The following ATP4A variants were observed in gnomAD, a reference collection of about 807,000 sequenced individuals.
The protein encoded by ATP4A is ATPase H+/K+ transporting subunit alpha, also known as potassium-transporting ATPase alpha chain 1.
A neutral mutation model predicts 112.1 loss-of-function variants in ATP4A; 73 were observed. The observed-to-expected ratio is 0.65, with a 90% CI of 0.54 to 0.79. The LOEUF is 0.79. ATP4A is among the 30% of genes least tolerant of loss of function. ATP4A has a pLI of 0.00. For missense variants in ATP4A, 1,081 were observed against 1,425.9 expected (o/e 0.76, Z 3.90); for synonymous variants, 588 against 588.9 (o/e 1.00, Z 0.02).
chr19:35,557,134 T>G lies in ATP4A; in HGVS notation c.1694-46A>C. ...CAGGGAAGAGCCCTGGGCACACCCT[T>G]TCTTAGCAGGGCCAGGAAATGGGTA... On this transcript the variant is annotated intron_variant, in intron 11 of 21. Transcript: ENST00000262623. This position sits in a 1 kb window ranked among gnomAD's most constrained non-coding sequence, Gnocchi z 4.4. The G allele has an allele frequency of 6.2e-7, 1 of 1,603,644 alleles. No homozygotes were observed. Among genetic ancestry groups the G allele is most frequent in the South Asian group, 1.1e-5 (1 of 90,504 alleles).
Position 35,550,673 on chromosome 19 carries a change from G to C in ATP4A, c.3080-30C>G. The C allele has an allele frequency of 1.9e-6, 3 of 1,613,800 alleles. No homozygotes were observed. The highest frequency in any genetic ancestry group is 2.5e-6 in the Non-Finnish European group (3 of 1,179,792). On this transcript the variant is annotated intron_variant, in intron 21 of 21. Transcript: ENST00000262623. The surrounding 1 kb of genome is among the most constrained non-coding windows in gnomAD (Gnocchi z 4.1). ...GAGAGAGAGGGAGAAAGGAGACTCA[G>C]TGCTGGGGGTGCCACTTAGGCAGGG... is the stretch of plus-strand genomic sequence containing the variant.
At chr19:35,553,377 C>T (rs2071612659) in intron 17 of ATP4A, among the ~76,000 whole-genome samples, 195 bp from the exon 18 acceptor site, 1 of 151,868 alleles carries the variant, frequency 6.6e-6, no homozygotes, top group African/African-American at 2.4e-5. Flanking sequence ...GAAACAGTGA[C>T]AGAGACACAG....
rs766886010 is a variant in ATP4A, at chr19:35,562,587, C to T, written c.268G>A (p.Ala90Thr). ...GGGGTGCCCCGTGGTGGCCGCAGTG[C>T]GTTGGGCCCATCCCGCAGCAGCAGC... ...AELLLRDGPN[A>T]LRPPRGTPEY... The change falls in exon 4 of 22, where the codon GCA (alanine) becomes ACA (threonine). Residue 90 changes from alanine (A) to threonine (T), a missense_variant. Around this residue, in one of 3 missense-constraint regions of ATP4A, gnomAD observed 850 missense variants for 1,068.2 expected, o/e 0.80. Coordinates refer to ENST00000262623, the MANE Select transcript of ATP4A (RefSeq NM_000704.3). The T allele has an allele frequency of 9.9e-6, 16 of 1,611,068 alleles. No individual in the cohort carries two copies. Among genetic ancestry groups the T allele is most frequent in the East Asian group, 2.2e-5 (1 of 44,784 alleles).
In ATP4A at chr19:35,557,092, A is replaced by G. The variant is rs1182629792; in HGVS notation, c.1694-4T>C. The G allele has an allele frequency of 6.2e-7, 1 of 1,614,030 alleles. No homozygotes were observed. Among genetic ancestry groups the G allele is most frequent in the Non-Finnish European group, 8.5e-7 (1 of 1,179,992 alleles). On this transcript the variant is annotated splice_polypyrimidine_tract_variant and splice_region_variant and intron_variant, in intron 11 of 21. Coordinates refer to ENST00000262623, the MANE Select transcript of ATP4A (RefSeq NM_000704.3). This position sits in a 1 kb window ranked among gnomAD's most constrained non-coding sequence, Gnocchi z 4.4. ...TTCAGGTAGAGCTGGCAGAAGCCTG[A>G]CCGGAAACGGGGAAGTCAGGGAAGA... is the stretch of plus-strand genomic sequence containing the variant.
intron 18 of ATP4A, among the ~76,000 whole-genome samples, chr19:35,552,666 A>C (rs2071608016): frequency 6.6e-6 from 1 of 152,196 alleles, no homozygotes; most frequent in Non-Finnish European, 1.5e-5. Flanking sequence ...AGGTGAACTA[A>C]ACACATCTGC....
chr19:35,550,537 TGG>T lies in ATP4A; in HGVS notation c.*76_*77del. ...ACTCTTGGTTGCTCAGATATCTTGG[TGG>T]CTGTCCAGAGGGTCCCACGAGCCCT... On this transcript the variant is annotated 3_prime_UTR_variant, in exon 22 of 22. Transcript: ENST00000262623. This position sits in a 1 kb window ranked among gnomAD's most constrained non-coding sequence, Gnocchi z 4.1. 1 of 1,570,194 alleles carries T rather than the reference TGG, an allele frequency of 6.4e-7. No individual in the cohort carries two copies. Among genetic ancestry groups the T allele is most frequent in the South Asian group, 1.1e-5 (1 of 89,602 alleles).
chr19:35,560,069 G>A lies in ATP4A; in HGVS notation c.792C>T (p.Thr264=), dbSNP rs138829362. 9.4e-4 allele frequency: 1,518 copies of A among 1,613,714 alleles called. 2 individuals are homozygous for A. The highest frequency in any genetic ancestry group is 1.7e-3 in the Middle Eastern group (10 of 6,060). The change falls in exon 7 of 22, where the codon ACC becomes ACT. Residue 264 remains threonine (T), a synonymous_variant. Transcript: ENST00000262623. This position sits in a 1 kb window ranked among gnomAD's most constrained non-coding sequence, Gnocchi z 5.1. ...AFFSTMCLEG[T]VQGLVVNTGD... is the part of the protein sequence containing the mutation. The stretch of plus-strand genomic sequence containing the variant: ...CCGTGTTCACCACCAGGCCCTGCAC[G>A]GTGCCTGCAGGGGGGCCAAGGCGCG...
At chr19:35,562,101 C>G (rs1599575608) in intron 4 of ATP4A, among the ~76,000 whole-genome samples, 1 of 152,012 alleles carries the variant, frequency 6.6e-6, no homozygotes, top group East Asian at 1.9e-4. Flanking sequence ...GGTGATCTGC[C>G]CGCCTCGGCC....
Position 35,558,479 on chromosome 19 carries a change from G to A in ATP4A, c.1383C>T (p.Asp461=). Reference sequence around the variant, plus strand: ...ACTTGAGCAGCGCCGTCTCCGATGCGTCTCCAATCACGATGCGCTGGGAGC... The same window carrying A: ...ACTTGAGCAGCGCCGTCTCCGATGCATCTCCAATCACGATGCGCTGGGAGC... ...VPVPKRIVIG[D]ASETALLKFS... is the part of the protein sequence containing the mutation. Residue 461 remains aspartate (D), a synonymous_variant, in exon 10 of 22, where the codon GAC becomes GAT. Coordinates refer to ENST00000262623, the MANE Select transcript of ATP4A (RefSeq NM_000704.3). This position sits in a 1 kb window ranked among gnomAD's most constrained non-coding sequence, Gnocchi z 5.1. 1 of 1,598,334 alleles carries A rather than the reference G, an allele frequency of 6.3e-7. No homozygotes were observed. The highest frequency in any genetic ancestry group is 8.5e-7 in the Non-Finnish European group (1 of 1,173,190).
At chr19:35,562,743 C>T in intron 3 of ATP4A, 105 bp from the exon 4 acceptor site, 2 of 1,136,934 alleles carry the variant, frequency 1.8e-6, no homozygotes, top group East Asian at 2.6e-5. Context: ...TTGGTCTGTC[C>T]TGCTCCTTCT....
At position 35,560,078 on chromosome 19, in the gene ATP4A, A is replaced by AG; in HGVS notation, c.788-6dup. 1 of 1,613,104 alleles carries AG rather than the reference A, an allele frequency of 6.2e-7. No homozygotes were observed. ...CCACCAGGCCCTGCACGGTGCCTGC[A>AG]GGGGGGCCAAGGCGCGACTCAGGGA... On this transcript the variant is annotated splice_polypyrimidine_tract_variant and splice_region_variant and intron_variant, in intron 6 of 21. Coordinates refer to ENST00000262623, the MANE Select transcript of ATP4A (RefSeq NM_000704.3). This position sits in a 1 kb window ranked among gnomAD's most constrained non-coding sequence, Gnocchi z 5.1.
chr19:35,560,386 A>G lies in ATP4A; in HGVS notation c.764T>C (p.Phe255Ser). 2 of 1,613,942 alleles carry G rather than the reference A, an allele frequency of 1.2e-6. No homozygotes were observed. Among genetic ancestry groups the G allele is most frequent in the Non-Finnish European group, 1.7e-6 (2 of 1,179,994 alleles). ...ACCCTCAAGGCACATGGTGGAGAAGAAGGCGATGTTGCGGGTCTCCAGAGG... is the reference window on the plus strand; with the variant it reads ...ACCCTCAAGGCACATGGTGGAGAAGGAGGCGATGTTGCGGGTCTCCAGAGG... ...ESPLETRNIA[F>S]FSTMCLEGTV... The change falls in exon 6 of 22, where the codon TTC becomes TCC. Residue 255 changes from phenylalanine (F) to serine (S), a missense_variant. Transcript: ENST00000262623. This position sits in a 1 kb window ranked among gnomAD's most constrained non-coding sequence, Gnocchi z 5.1.
At position 35,555,536 on chromosome 19, in the gene ATP4A, C is replaced by T. The variant is rs896110909; in HGVS notation, c.2061G>A (p.Ser687=). ...NGMQLKDMDP[S]ELVEALRTHP... is the part of the protein sequence containing the mutation. The stretch of plus-strand genomic sequence containing the variant: ...GGGTGCGCAGGGCCTCGACCAGTTC[C>T]GATGGGTCCATGTCCTTCAGCTGCA... The change falls in exon 14 of 22, where the codon TCG becomes TCA. Residue 687 remains serine (S), a synonymous_variant. Transcript: ENST00000262623. The surrounding 1 kb of genome is among the most constrained non-coding windows in gnomAD (Gnocchi z 6.6). The T allele has an allele frequency of 6.9e-6, 11 of 1,601,254 alleles. No individual in the cohort carries two copies. The highest frequency in any genetic ancestry group is 4.5e-5 in the East Asian group (2 of 44,628).
chr19:35,551,626 C>A lies in ATP4A; in HGVS notation c.2752-46G>T. On this transcript the variant is annotated intron_variant, in intron 18 of 21. Transcript: ENST00000262623. This position sits in a 1 kb window ranked among gnomAD's most constrained non-coding sequence, Gnocchi z 5.2. ...GAAACAGCCTGAGTCCAGCCTGAGT[C>A]CCGGCGGAGAGCCTCTGCAGCCCAC... 6.3e-7 allele frequency: 1 copy of A among 1,589,048 alleles called. No individual in the cohort carries two copies. The highest frequency in any genetic ancestry group is 1.1e-5 in the South Asian group (1 of 87,882).
In ATP4A at chr19:35,560,987, A is replaced by G. The variant is rs2071667741; in HGVS notation, c.421-55T>C. 1 of 1,488,676 alleles carries G rather than the reference A, an allele frequency of 6.7e-7. No individual in the cohort carries two copies. The highest frequency in any genetic ancestry group is 1.4e-5 in the African/African-American group (1 of 71,844). The allele number at this position is 1,488,676 out of a possible 1,614,324, so 92.2% of individuals were successfully genotyped here. The stretch of plus-strand genomic sequence containing the variant: ...AGAGGGGCCGGAAGCTGCCTGCCTG[A>G]GGCCACCGACCTGCTCCCTGGTGCC... On this transcript the variant is annotated intron_variant, in intron 4 of 21. Transcript: ENST00000262623. The surrounding 1 kb of genome is among the most constrained non-coding windows in gnomAD (Gnocchi z 5.1).
In ATP4A at chr19:35,551,295, G is replaced by C; in HGVS notation, c.2885+152C>G. The C allele has an allele frequency of 3.0e-6, 4 of 1,313,570 alleles. No homozygotes were observed. The highest frequency in any genetic ancestry group is 4.2e-6 in the Non-Finnish European group (4 of 951,946). 81.4% of individuals were successfully genotyped at this position (1,313,570 alleles called of 1,614,324 possible). A position where few individuals can be genotyped will look rare whatever the true frequency, so the allele number is the denominator to read the frequency against. ...TGAAATGTGGAGGGGGCCGTGGGGG[G>C]AGTTATTGGCCAGTTAGAAAGGTTT... On this transcript the variant is annotated intron_variant, in intron 19 of 21. Coordinates refer to ENST00000262623, the MANE Select transcript of ATP4A (RefSeq NM_000704.3). The surrounding 1 kb of genome is among the most constrained non-coding windows in gnomAD (Gnocchi z 5.2).
Position 35,558,615 on chromosome 19 carries a change from C to T in ATP4A, c.1327G>A (p.Ala443Thr). ...CRVLTLCNRAAFKSGQDAVPV... is the reference protein window; with the variant it reads ...CRVLTLCNRATFKSGQDAVPV... Reference sequence around the variant, plus strand: ...ACTGCATCCTGGCCGGACTTGAAGGCGGCGCGGTTGCACAGGGTGAGCACC... The same window carrying T: ...ACTGCATCCTGGCCGGACTTGAAGGTGGCGCGGTTGCACAGGGTGAGCACC... The change falls in exon 9 of 22, where the codon GCC (alanine) becomes ACC (threonine). Residue 443 changes from alanine to threonine, a missense_variant. Around this residue, in one of 3 missense-constraint regions of ATP4A, gnomAD observed 850 missense variants for 1,068.2 expected, o/e 0.80. Coordinates refer to ENST00000262623, the MANE Select transcript of ATP4A (RefSeq NM_000704.3). This position sits in a 1 kb window ranked among gnomAD's most constrained non-coding sequence, Gnocchi z 5.1. 6.2e-7 allele frequency: 1 copy of T among 1,602,518 alleles called. No homozygotes were observed. The highest frequency in any genetic ancestry group is 8.5e-7 in the Non-Finnish European group (1 of 1,175,944).
Position 35,555,738 on chromosome 19 carries a change from G to A in ATP4A, c.1944C>T (p.Gly648=), listed in dbSNP as rs1387272749. 1.2e-6 allele frequency: 2 copies of A among 1,613,620 alleles called. No homozygotes were observed. Among genetic ancestry groups the A allele is most frequent in the Non-Finnish European group, 1.7e-6 (2 of 1,179,592 alleles). Residue 648 remains glycine, a synonymous_variant, in exon 13 of 22, where the codon GGC becomes GGT. Coordinates refer to ENST00000262623, the MANE Select transcript of ATP4A (RefSeq NM_000704.3). This position sits in a 1 kb window ranked among gnomAD's most constrained non-coding sequence, Gnocchi z 6.6. ...IAASVGIISE[G]SETVEDIAAR... ...CAGCGATGTCCTCCACTGTCTCGCT[G>A]CCTTCCGAGATGATGCCCACACTGG...
rs908819738 is a variant in ATP4A, at chr19:35,559,103, G to A, written c.1145C>T (p.Ser382Leu). ...CCCTGTCTTGTCCGAGCAGATCACCGAAGTGGAGCCCAATGTCTCCACCGC... is the reference window on the plus strand; with the variant it reads ...CCCTGTCTTGTCCGAGCAGATCACCAAAGTGGAGCCCAATGTCTCCACCGC... Reference protein sequence around the residue: ...LEAVETLGSTSVICSDKTGTL... With the variant: ...LEAVETLGSTLVICSDKTGTL... The change falls in exon 8 of 22, where the codon TCG becomes TTG. Residue 382 changes from serine (S) to leucine (L), a missense_variant. By Grantham distance (145) the Ser-to-Leu change is moderately radical. Coordinates refer to ENST00000262623, the MANE Select transcript of ATP4A (RefSeq NM_000704.3). This position sits in a 1 kb window ranked among gnomAD's most constrained non-coding sequence, Gnocchi z 4.1. The A allele has an allele frequency of 3.1e-6, 5 of 1,614,168 alleles. No homozygotes were observed. Among genetic ancestry groups the A allele is most frequent in the South Asian group, 1.1e-5 (1 of 91,080 alleles).
Sources: allele counts gnomAD v4.1 joint callset (sites outside exome capture counted in the v4.1 genomes callset), GRCh38; gene constraint gnomAD v4.1.1; regional missense constraint gnomAD v4.1.1; non-coding constraint Gnocchi (gnomAD v3.1); transcripts MANE v1.5; gene names NCBI Gene and HGNC (gene_info 2026-07-23, HGNC 2026-07-21).